Variants in ZDHHC19 observed in about 807,000 individuals in gnomAD.
ZDHHC19 encodes zDHHC palmitoyltransferase 19.
A neutral mutation model predicts 33.9 loss-of-function variants in ZDHHC19; 30 were observed. The ratio of observed to expected loss-of-function variants is 0.88; its 90% CI spans 0.66 to 1.20. ZDHHC19 has a LOEUF of 1.20. Among genes scored for constraint, ZDHHC19 ranks in the 50% most tolerant of loss-of-function variants. The pLI is 0.00. For missense variants in ZDHHC19, 364 were observed against 401.1 expected (o/e 0.91, Z 0.79); for synonymous variants, 178 against 167.6 (o/e 1.06, Z -0.48).
intron 3 of ZDHHC19, chr3:196,209,071 T>G (rs2108739897): frequency 2.8e-6 from 1 of 360,936 alleles, no homozygotes; most frequent in South Asian, 5.2e-5. Context: ...GGCTTGGGTA[T>G]CTCGTGTTAG....
intron 5 of ZDHHC19, among the ~76,000 whole-genome samples, chr3:196,206,809 T>C (rs1037425549): frequency 1.3e-5 from 2 of 152,002 alleles, no homozygotes; most frequent in African/African-American, 4.8e-5. Context: ...ACCTTTTTAA[T>C]GTGGCCAACA....
intron 7 of ZDHHC19, 30 bp downstream of exon 7, chr3:196,198,246 C>T: frequency 6.9e-7 from 1 of 1,457,734 alleles, no homozygotes; most frequent in Non-Finnish European, 9.0e-7. Context: ...CCGACACGCA[C>T]AGACACCCAC....
At chr3:196,200,605 T>C (rs187823142) in intron 5 of ZDHHC19, among the ~76,000 whole-genome samples, 12,525 of 149,576 alleles carry the variant, frequency 0.084, 627 homozygotes, top group Middle Eastern at 0.23. Flanking sequence ...CCGCCCACCT[T>C]GGCCTCCCAA....
chr3:196,210,440 G>GGAAT (rs1723190941), intron 2 of ZDHHC19, among the ~76,000 whole-genome samples, 176 bp downstream of exon 2: 1 of 137,166 alleles, frequency 7.3e-6, no homozygotes, highest in African/African-American at 3.2e-5. Context: ...GAAAGAGAAA[G>GGAAT]AAAGAAAGAA....
At chr3:196,201,812 CTG>C (rs935753613) in intron 5 of ZDHHC19, among the ~76,000 whole-genome samples, 3 of 152,194 alleles carry the variant, frequency 2.0e-5, no homozygotes, top group African/African-American at 7.2e-5. Context: ...TGCTCCGATT[CTG>C]TGTCTGAAAC....
chr3:196,198,974 C>G, intron 5 of ZDHHC19, 100 bp from the exon 6 acceptor site: 1 of 1,198,862 alleles, frequency 8.3e-7, no homozygotes, highest in Non-Finnish European at 1.2e-6. Context: ...AGCCAGGGCT[C>G]AGCCCAGGGC....
chr3:196,200,530 A>ATT (rs1350672155), intron 5 of ZDHHC19, among the ~76,000 whole-genome samples: 8 of 148,422 alleles, frequency 5.4e-5, no homozygotes, highest in Non-Finnish European at 1.0e-4. Context: ...AATTTTTTGT[A>ATT]TTTTTAGTAG....
intron 5 of ZDHHC19, 143 bp from the exon 6 acceptor site, chr3:196,199,017 C>A: frequency 1.4e-6 from 1 of 709,568 alleles, no homozygotes; most frequent in Non-Finnish European, 2.4e-6. Flanking sequence ...GACTGAAGGA[C>A]CTCCCCACCA....
intron 1 of ZDHHC19, 119 bp from the exon 2 acceptor site, chr3:196,210,856 T>A: frequency 7.0e-7 from 1 of 1,428,300 alleles, no homozygotes; most frequent in Non-Finnish European, 9.3e-7. Flanking sequence ...AAATCCAGGC[T>A]CCAAATACCC....
chr3:196,207,378 C>T lies in ZDHHC19; in HGVS notation c.687+20G>A. The T allele has an allele frequency of 6.5e-7, 1 of 1,547,406 alleles. No homozygotes were observed. The highest frequency in any genetic ancestry group is 8.7e-7 in the Non-Finnish European group (1 of 1,145,146). ...CGGAGGTCCCCGAGGTGCAAGCTGA[C>T]CACCCGCGGCCCCGCGTACCTTGCC... On this transcript the variant is annotated intron_variant, in intron 5 of 7. Coordinates refer to ENST00000296326, the MANE Select transcript of ZDHHC19 (RefSeq NM_001039617.2).
At chr3:196,200,610 T>C (rs562034754) in intron 5 of ZDHHC19, among the ~76,000 whole-genome samples, 5 of 148,940 alleles carry the variant, frequency 3.4e-5, no homozygotes, top group Non-Finnish European at 7.4e-5. Flanking sequence ...CACCTTGGCC[T>C]CCCAAAGTGC....
At chr3:196,201,762 C>T (rs1489167113) in intron 5 of ZDHHC19, among the ~76,000 whole-genome samples, 2 of 152,066 alleles carry the variant, frequency 1.3e-5, no homozygotes, top group African/African-American at 2.4e-5. Context: ...CTCTGAAGCA[C>T]TCAGACTGTC....
At chr3:196,199,777 C>G (rs1177926442) in intron 5 of ZDHHC19, 3 of 150,036 alleles carry the variant, frequency 2.0e-5, no homozygotes, top group Non-Finnish European at 4.4e-5. Flanking sequence ...AACCCCATCT[C>G]TACTAAAAAT....
chr3:196,211,105 T>C (rs1429408673), intron 1 of ZDHHC19, 65 bp downstream of exon 1: 50 of 1,612,254 alleles, frequency 3.1e-5, no homozygotes, highest in Non-Finnish European at 4.2e-5. Flanking sequence ...GCCTCCATCC[T>C]ATCATCTTCT....
intron 2 of ZDHHC19, among the ~76,000 whole-genome samples, chr3:196,210,293 G>A (rs868838380): frequency 4.2e-4 from 38 of 91,400 alleles, no homozygotes; most frequent in African/African-American, 9.9e-4. Flanking sequence ...AAAGAAGGAA[G>A]GAAGGAAAGA....
intron 1 of ZDHHC19, 139 bp downstream of exon 1, chr3:196,211,031 T>C: frequency 4.2e-6 from 6 of 1,420,940 alleles, no homozygotes; most frequent in East Asian, 2.5e-5. Flanking sequence ...CCTTTGCACG[T>C]CGGTTCCCTC....
intron 2 of ZDHHC19, among the ~76,000 whole-genome samples, 171 bp downstream of exon 2, chr3:196,210,445 A>G (rs555882585): frequency 0.057 from 6,007 of 104,966 alleles, 440 homozygotes; most frequent in Non-Finnish European, 0.066. Context: ...AGAAAGAAAG[A>G]AAGAAAAGAG....
chr3:196,208,261 C>A, intron 4 of ZDHHC19, 127 bp downstream of exon 4: 4 of 448,158 alleles, frequency 8.9e-6, no homozygotes, highest in Non-Finnish European at 1.4e-5. Context: ...CCGCCCACCT[C>A]ACCTCGTCCC....
chr3:196,210,533 T>C (rs1389647294), intron 2 of ZDHHC19, 83 bp downstream of exon 2: 1 of 1,588,296 alleles, frequency 6.3e-7, no homozygotes, highest in African/African-American at 1.3e-5. Flanking sequence ...GGAGGGTCAG[T>C]AGGAAGAGCA....
Sources: allele counts gnomAD v4.1 joint callset (sites outside exome capture counted in the v4.1 genomes callset), GRCh38; gene constraint gnomAD v4.1.1; transcripts MANE v1.5; gene names NCBI Gene and HGNC (gene_info 2026-07-23, HGNC 2026-07-21).